CCDC148: variants seen among roughly 807,000 people sequenced by gnomAD.
CCDC148 encodes the protein coiled-coil domain-containing protein 148.
Under a neutral mutation model 85.7 loss-of-function variants are expected in CCDC148, and 89 were observed. The observed-to-expected ratio is 1.04, with a 90% CI of 0.87 to 1.24. The LOEUF (loss-of-function observed/expected upper bound fraction) is 1.24. CCDC148 is among the 50% of genes most tolerant of loss of function. The pLI is 0.00. For missense variants in CCDC148, 692 were observed against 671.7 expected (o/e 1.03, Z -0.33); for synonymous variants, 230 against 213.9 (o/e 1.08, Z -0.66).
chr2:158,422,227 A>G (rs919951996), intron 1 of CCDC148, among the ~76,000 whole-genome samples: 3 of 152,206 alleles, frequency 2.0e-5, no homozygotes, highest in African/African-American at 7.2e-5. Flanking sequence ...AATCCTCCCT[A>G]ACTCATTTTA....
In CCDC148 at chr2:158,309,768, A is replaced by G. The variant is rs891232699; in HGVS notation, c.904-129T>C. 3.3e-5 allele frequency: 24 copies of G among 733,996 alleles called. No homozygotes were observed. In the African/African-American group the frequency reaches 4.1e-4, roughly 13 times the overall value. 45.5% of individuals were successfully genotyped at this position (733,996 alleles called of 1,614,324 possible). A position where few individuals can be genotyped will look rare whatever the true frequency, so the allele number is the denominator to read the frequency against. On this transcript the variant is annotated intron_variant, in intron 8 of 13. Coordinates refer to ENST00000283233, the MANE Select transcript of CCDC148 (RefSeq NM_138803.4). ...TTGAAAAACTGGGGACAAATATTTA[A>G]TCGTAAATACAGCAACCAGAAACCA...
intron 3 of CCDC148, among the ~76,000 whole-genome samples, chr2:158,344,285 A>G (rs1682886049): frequency 6.6e-6 from 1 of 152,116 alleles, no homozygotes; most frequent in African/African-American, 2.4e-5. Context: ...AGTCCATATA[A>G]CTTTGTTTTT....
intron 9 of CCDC148, among the ~76,000 whole-genome samples, chr2:158,263,872 G>A (rs1189816532): frequency 6.6e-6 from 1 of 151,598 alleles, no homozygotes; most frequent in Non-Finnish European, 1.5e-5. Context: ...GGTGAAAAAT[G>A]TATAGTACAT....
At chr2:158,282,470 C>A (rs1426769180) in intron 9 of CCDC148, among the ~76,000 whole-genome samples, 1 of 152,162 alleles carries the variant, frequency 6.6e-6, no homozygotes, top group African/African-American at 2.4e-5. Flanking sequence ...CACAAGCATT[C>A]CCATACACCA....
At chr2:158,329,653 T>A (rs1692988322) in intron 7 of CCDC148, among the ~76,000 whole-genome samples, 1 of 152,146 alleles carries the variant, frequency 6.6e-6, no homozygotes, top group Admixed American at 6.5e-5. Flanking sequence ...CATGGAATGT[T>A]CTTCCATTTG....
intron 1 of CCDC148, among the ~76,000 whole-genome samples, chr2:158,430,163 G>A (rs1687275542): frequency 6.6e-6 from 1 of 152,148 alleles, no homozygotes; most frequent in Non-Finnish European, 1.5e-5. Flanking sequence ...GAAGATGTTT[G>A]ACCTCTTACT....
In CCDC148 at chr2:158,330,172, G is replaced by A. The variant is rs536217827; in HGVS notation, c.764+8554C>T. Among the ~76,000 whole-genome samples the A allele has an allele frequency of 3.3e-5, 5 of 152,198 alleles. 1 individual carries two copies. The South Asian group carries it at 1.0e-3, about 32-fold the overall frequency. Reference sequence around the variant, plus strand: ...TCATAGATAGCTCTTATTATTTTGAGATACGTCCCATCAATACCTAATTTA... The same window carrying A: ...TCATAGATAGCTCTTATTATTTTGAAATACGTCCCATCAATACCTAATTTA... On this transcript the variant is annotated intron_variant, in intron 7 of 13. Coordinates refer to ENST00000283233, the MANE Select transcript of CCDC148 (RefSeq NM_138803.4).
chr2:158,205,256 G>A lies in CCDC148; in HGVS notation c.1370+15339C>T, dbSNP rs186740253. Among the ~76,000 whole-genome samples the A allele has an allele frequency of 6.0e-4, 91 of 152,308 alleles. 1 individual carries two copies. The East Asian group carries it at 0.013, about 22-fold the overall frequency. ...AAGCCCTTGGCTGTAGGAGTGGGGA[G>A]TAAGAGAGGGAAGAGTCACCTTGGG... is the stretch of plus-strand genomic sequence containing the variant. On this transcript the variant is annotated intron_variant, in intron 11 of 13. Transcript: ENST00000283233.
intron 1 of CCDC148, among the ~76,000 whole-genome samples, chr2:158,405,094 T>C (rs1029519824): frequency 2.0e-5 from 3 of 152,122 alleles, no homozygotes; most frequent in Admixed American, 6.6e-5. Flanking sequence ...TATATTTGTG[T>C]TTTATTTTCA....
At chr2:158,422,814 T>C (rs767683472) in intron 1 of CCDC148, among the ~76,000 whole-genome samples, 8 of 151,462 alleles carry the variant, frequency 5.3e-5, no homozygotes, top group Non-Finnish European at 8.8e-5. Flanking sequence ...GCAGATGACA[T>C]GCCTGTATAT....
At chr2:158,181,465 T>C (rs1012614717) in intron 11 of CCDC148, among the ~76,000 whole-genome samples, 1 of 152,078 alleles carries the variant, frequency 6.6e-6, no homozygotes, top group African/African-American at 2.4e-5. Context: ...GACAATCCAA[T>C]GTAGATACAA....
rs1682602340 is a variant in CCDC148 at position 158,340,154 on chromosome 2, T to A, written c.486+88A>T. On this transcript the variant is annotated intron_variant, in intron 5 of 13. Transcript: ENST00000283233. Reference sequence around the variant, plus strand: ...GTATTAATATTAACTAATATACAGGTCACACATGTTTGTTTCTTATCTCAA... The same window carrying A: ...GTATTAATATTAACTAATATACAGGACACACATGTTTGTTTCTTATCTCAA... The A allele has an allele frequency of 4.5e-6, 5 of 1,110,226 alleles. No homozygotes were observed. The East Asian group carries it at 1.2e-4, about 27-fold the overall frequency. 68.8% of individuals were successfully genotyped at this position (1,110,226 alleles called of 1,614,324 possible). A position where few individuals can be genotyped will look rare whatever the true frequency, so the allele number is the denominator to read the frequency against.
chr2:158,403,609 C>T (rs552058696), intron 1 of CCDC148, among the ~76,000 whole-genome samples: 1 of 152,110 alleles, frequency 6.6e-6, no homozygotes, highest in Admixed American at 6.6e-5. Context: ...ATGCACCCAT[C>T]AAACTAAACA....
At chr2:158,427,293 C>T (rs67773850) in intron 1 of CCDC148, among the ~76,000 whole-genome samples, 25,338 of 152,100 alleles carry the variant, frequency 0.17, 2,274 homozygotes, top group Middle Eastern at 0.21. Context: ...ATGGAAACCA[C>T]TGAGTAATTC....
intron 12 of CCDC148, among the ~76,000 whole-genome samples, chr2:158,177,302 A>G (rs1684638796): frequency 6.6e-6 from 1 of 152,082 alleles, no homozygotes; most frequent in Non-Finnish European, 1.5e-5. Flanking sequence ...TAATGAAAAG[A>G]AGTCACTAAT....
intron 7 of CCDC148, among the ~76,000 whole-genome samples, chr2:158,316,616 C>A (rs1029490308): frequency 6.6e-6 from 1 of 152,094 alleles, no homozygotes; most frequent in African/African-American, 2.4e-5. Context: ...TAAATACTCA[C>A]AATATTATTA....
rs1396862670 is a variant in CCDC148, at chr2:158,338,912, A to G, written c.583-5T>C. On this transcript the variant is annotated splice_region_variant and splice_polypyrimidine_tract_variant and intron_variant, in intron 6 of 13. Coordinates refer to ENST00000283233, the MANE Select transcript of CCDC148 (RefSeq NM_138803.4). ...TTCCAAAGAATGATCTAGAATCTGA[A>G]AAAAAGTATATGATTATTTTATTTA... is the stretch of plus-strand genomic sequence containing the variant. The G allele has an allele frequency of 6.2e-7, 1 of 1,600,590 alleles. No homozygotes were observed. Among genetic ancestry groups the G allele is most frequent in the East Asian group, 2.2e-5 (1 of 44,732 alleles).
At chr2:158,280,867 A>G (rs1690251868) in intron 9 of CCDC148, among the ~76,000 whole-genome samples, 1 of 152,214 alleles carries the variant, frequency 6.6e-6, no homozygotes. Context: ...AACTGACCAC[A>G]TAGTTGGAAG....
In CCDC148 at chr2:158,215,379, A is replaced by T. The variant is rs983288552; in HGVS notation, c.1370+5216T>A. ...ATTTTGAAGTTTGTGCTCTACAAAA[A>T]TGACCCATGACCCAGAGATACAAAA... On this transcript the variant is annotated intron_variant, in intron 11 of 13. Transcript: ENST00000283233. Among the ~76,000 whole-genome samples the T allele has an allele frequency of 2.0e-5, 3 of 152,196 alleles. No individual in the cohort carries two copies. The East Asian group carries it at 5.8e-4, about 29-fold the overall frequency.
Sources: gnomAD v4.1 joint callset for allele counts (sites outside exome capture counted in the v4.1 genomes callset) on GRCh38, gnomAD v4.1.1 for gene constraint, MANE v1.5 for transcripts, NCBI Gene and HGNC (gene_info 2026-07-23, HGNC 2026-07-21) for gene names.